RYK: variants seen among roughly 807,000 people sequenced by gnomAD.
RYK encodes receptor like tyrosine kinase.
A neutral mutation model predicts 70.2 loss-of-function variants in RYK; 21 were observed. The observed-to-expected ratio is 0.30, with a 90% CI of 0.21 to 0.43. The LOEUF is 0.43. Among genes scored for constraint, RYK ranks in the 20% least tolerant of loss-of-function variants. RYK has a pLI of 1.00. For missense variants in RYK, 604 were observed against 753.3 expected (o/e 0.80, Z 2.32); for synonymous variants, 267 against 278.0 (o/e 0.96, Z 0.39).
chr3:134,203,079 G>A (rs747301801), intron 5 of RYK, among the ~76,000 whole-genome samples: 2 of 152,166 alleles, frequency 1.3e-5, no homozygotes, highest in Non-Finnish European at 2.9e-5. Flanking sequence ...AGGTGTGATG[G>A]CTCACGCCTG....
intron 2 of RYK, among the ~76,000 whole-genome samples, chr3:134,212,709 A>C (rs1576523710): frequency 1.3e-5 from 2 of 152,342 alleles, no homozygotes; most frequent in East Asian, 3.9e-4. Flanking sequence ...AATGGTACAT[A>C]ATAAAGATGA....
chr3:134,160,506 T>C (rs747505471), intron 13 of RYK, among the ~76,000 whole-genome samples: 2 of 152,138 alleles, frequency 1.3e-5, no homozygotes, highest in African/African-American at 2.4e-5. Context: ...AGCCTTATAA[T>C]AGTGAACAAT....
In RYK at chr3:134,190,154, A is replaced by C. The variant is rs144101273; in HGVS notation, c.1016-1231T>G. 1.7e-3 allele frequency among the ~76,000 whole-genome samples: 253 copies of C among 152,320 alleles called. 2 individuals carry two copies. Among genetic ancestry groups the C allele is most frequent in the Non-Finnish European group, 1.8e-3 (120 of 68,028 alleles). On this transcript the variant is annotated intron_variant, in intron 8 of 14. Coordinates refer to ENST00000623711, the MANE Select transcript of RYK (RefSeq NM_002958.4). The stretch of plus-strand genomic sequence containing the variant: ...AAAGACTTTGGATAATCTTCATTTA[A>C]GACATTTTGCTTGAAGCTGAGTAAA...
At position 134,205,887 on chromosome 3, in the gene RYK, T is replaced by C. The variant is rs575368564; in HGVS notation, c.643+1585A>G. ...ACAGTTTAGTCCTCTGCTTCAGTCA[T>C]ACCGCCTAACACACCACAGACTCTC... On this transcript the variant is annotated intron_variant, in intron 5 of 14. Coordinates refer to ENST00000623711, the MANE Select transcript of RYK (RefSeq NM_002958.4). Among the ~76,000 whole-genome samples, 8 of 152,260 alleles carry C rather than the reference T, an allele frequency of 5.3e-5. No homozygotes were observed. In the East Asian group the frequency reaches 1.4e-3, roughly 26 times the overall value.
At chr3:134,249,917 G>GGT (rs1172115107) in intron 1 of RYK, among the ~76,000 whole-genome samples, 1 of 93,366 alleles carries the variant, frequency 1.1e-5, no homozygotes, top group African/African-American at 5.3e-5. Flanking sequence ...TTTCTCTCTC[G>GGT]TTTTTTTTTT....
At chr3:134,176,290 A>G (rs915583434) in intron 11 of RYK, among the ~76,000 whole-genome samples, 2 of 152,180 alleles carry the variant, frequency 1.3e-5, no homozygotes, top group Non-Finnish European at 2.9e-5. Flanking sequence ...GTATCTCCCC[A>G]ATATCCAGCA....
rs370703140 is a variant in RYK, at chr3:134,191,858, G to C, written c.1006C>G (p.Leu336Val). The C allele has an allele frequency of 3.1e-6, 5 of 1,608,064 alleles. No individual in the cohort carries two copies. The African/African-American group carries it at 5.4e-5, about 17-fold the overall frequency. Residue 336 changes from leucine to valine, a missense_variant, in exon 8 of 15, where the codon CTC (leucine) becomes GTC (valine). By Grantham distance (32) the Leu-to-Val change is conservative. Coordinates refer to ENST00000623711, the MANE Select transcript of RYK (RefSeq NM_002958.4). ...TTGAGATAATAAATACCTTCTTGGA[G>C]TACATCTTTTAGAGTTATCCTCTCT... is the stretch of plus-strand genomic sequence containing the variant. ...SRERITLKDVLQEGTFGRIFH... is the reference protein window; with the variant it reads ...SRERITLKDVVQEGTFGRIFH...
intron 9 of RYK, among the ~76,000 whole-genome samples, chr3:134,188,165 A>ATT (rs1278637275): frequency 0.019 from 1,902 of 98,776 alleles, 14 homozygotes; most frequent in Admixed American, 0.025. Context: ...ATATATATAT[A>ATT]TATTTTTTTT....
chr3:134,218,661 GAAAGGCCGAGACCAGATCAT>G (rs2014636675), intron 2 of RYK, among the ~76,000 whole-genome samples: 1 of 152,168 alleles, frequency 6.6e-6, no homozygotes, highest in Non-Finnish European at 1.5e-5. Context: ...AGGCAGAAAA[GAAAGGCCGAGACCAGATCAT>G]AAAGGCCTCC....
Position 134,227,352 on chromosome 3 carries a change from T to C in RYK, c.233-4813A>G, listed in dbSNP as rs76892589. On this transcript the variant is annotated intron_variant, in intron 1 of 14. Coordinates refer to ENST00000623711, the MANE Select transcript of RYK (RefSeq NM_002958.4). Reference sequence around the variant, plus strand: ...TACTGTTAACATGTCAAGTCTCTCATATTGATCTGCAGATTCAAAGTAATC... The same window carrying C: ...TACTGTTAACATGTCAAGTCTCTCACATTGATCTGCAGATTCAAAGTAATC... Among the ~76,000 whole-genome samples the C allele has an allele frequency of 8.7e-3, 1,330 of 152,292 alleles. 9 individuals are homozygous for C. The highest frequency in any genetic ancestry group is 0.015 in the Non-Finnish European group (1,011 of 68,018).
intron 13 of RYK, among the ~76,000 whole-genome samples, chr3:134,163,468 TATA>T (rs2012550876): frequency 6.6e-6 from 1 of 152,216 alleles, no homozygotes; most frequent in Non-Finnish European, 1.5e-5. Context: ...TTTAGATAAT[TATA>T]ATGTTATTCT....
At position 134,178,075 on chromosome 3, in the gene RYK, TATAAA is replaced by T. The variant is rs759162163; in HGVS notation, c.1173-7_1173-3del. ...ACATGAGTAATAGGAAGAAGATTTC[TATAAA>T]ATAATAAAAAATTGGGAGAAAGACA... On this transcript the variant is annotated splice_polypyrimidine_tract_variant and splice_region_variant and intron_variant, in intron 10 of 14. Transcript: ENST00000623711. 1.9e-6 allele frequency: 3 copies of T among 1,551,414 alleles called. No individual in the cohort carries two copies. The African/African-American group carries it at 4.2e-5, about 22-fold the overall frequency.
At chr3:134,170,215 A>G (rs374902761) in intron 13 of RYK, among the ~76,000 whole-genome samples, 25 of 152,350 alleles carry the variant, frequency 1.6e-4, no homozygotes, top group African/African-American at 6.0e-4. Context: ...ATAAGCTACA[A>G]AAGAAAAATG....
At chr3:134,235,515 C>A (rs1345628983) in intron 1 of RYK, among the ~76,000 whole-genome samples, 1 of 151,634 alleles carries the variant, frequency 6.6e-6, no homozygotes, top group Non-Finnish European at 1.5e-5. Context: ...AAGATGAAAT[C>A]TATAGAGAAT....
chr3:134,175,807 T>A (rs367980608), intron 12 of RYK, 39 bp from the exon 13 acceptor site: 1 of 1,607,770 alleles, frequency 6.2e-7, no homozygotes, highest in African/African-American at 1.3e-5. Context: ...GCAATCAGAG[T>A]ATTAAAAAGT....
chr3:134,214,509 G>C (rs772476118), intron 2 of RYK, among the ~76,000 whole-genome samples: 1 of 152,044 alleles, frequency 6.6e-6, no homozygotes, highest in Non-Finnish European at 1.5e-5. Context: ...CAACATTACT[G>C]ACAGTCATAT....
intron 1 of RYK, among the ~76,000 whole-genome samples, chr3:134,232,530 G>GT (rs1451235690): frequency 6.6e-6 from 1 of 152,094 alleles, no homozygotes; most frequent in African/African-American, 2.4e-5. Flanking sequence ...AAAATAAATT[G>GT]TAAATTTAAA....
intron 1 of RYK, among the ~76,000 whole-genome samples, chr3:134,229,718 A>G (rs1005619090): frequency 2.0e-5 from 3 of 152,138 alleles, no homozygotes; most frequent in Admixed American, 6.5e-5. Context: ...TAAAGAACCA[A>G]AAATTTTTTA....
At chr3:134,168,614 C>A (rs2012777669) in intron 13 of RYK, among the ~76,000 whole-genome samples, 1 of 21,072 alleles carries the variant, frequency 4.7e-5, no homozygotes, top group Non-Finnish European at 2.3e-4. Flanking sequence ...CACACCGGGG[C>A]CTTCGTAGGG....
Sources: gnomAD v4.1 joint callset for allele counts (sites outside exome capture counted in the v4.1 genomes callset) on GRCh38, gnomAD v4.1.1 for gene constraint, MANE v1.5 for transcripts, NCBI Gene and HGNC (gene_info 2026-07-23, HGNC 2026-07-21) for gene names.